The following HAT1 variants were observed in gnomAD, a reference collection of about 807,000 sequenced individuals.
HAT1 encodes the protein histone acetyltransferase 1.
Under a neutral mutation model 56.6 loss-of-function variants are expected in HAT1, and 20 were observed. The observed-to-expected ratio is 0.35, with a 90% CI of 0.25 to 0.51. The LOEUF (loss-of-function observed/expected upper bound fraction) is 0.51, where lower values mean the gene tolerates loss of function less well. Ranked by LOEUF, HAT1 falls within the 20% of genes least tolerant of loss-of-function variation. The pLI is 0.95. For missense variants in HAT1, 408 were observed against 504.3 expected, an observed-to-expected ratio of 0.81 and a Z score of 1.83; for synonymous variants, 146 against 165.5, an observed-to-expected ratio of 0.88 and a Z score of 0.91.
chr2:171,977,915 A>G (rs1395227037), intron 9 of HAT1, among the ~76,000 whole-genome samples: 5 of 151,746 alleles, frequency 3.3e-5, no homozygotes, highest in Non-Finnish European at 5.9e-5. Context: ...ACCTATCCAT[A>G]CCCCAACTCC....
intron 2 of HAT1, among the ~76,000 whole-genome samples, chr2:171,942,394 C>G (rs955834575): frequency 6.6e-6 from 1 of 152,022 alleles, no homozygotes; most frequent in African/African-American, 2.4e-5. Context: ...GTGTTTTCTT[C>G]TAGTATTTTT....
At chr2:171,959,225 C>T (rs1687518887) in intron 4 of HAT1, among the ~76,000 whole-genome samples, 1 of 152,124 alleles carries the variant, frequency 6.6e-6, no homozygotes, top group African/African-American at 2.4e-5. Context: ...AGAGTTTTTT[C>T]ATAATCAAAT....
At chr2:171,977,549 ATATATATATTTTT>A (rs1282324980) in intron 9 of HAT1, among the ~76,000 whole-genome samples, 2 of 14,136 alleles carry the variant, frequency 1.4e-4, no homozygotes, top group Admixed American at 1.4e-3. Context: ...ATATATATAT[ATATATATATTTTT>A]TTTTTTTTTT....
rs587686867 is a variant in HAT1 at position 171,953,626 on chromosome 2, TAAAAAAAAA to T, written c.309+646_309+654del. 6.1e-3 allele frequency among the ~76,000 whole-genome samples: 520 copies of T among 84,602 alleles called. 8 individuals carry two copies. Among genetic ancestry groups the T allele is most frequent in the Non-Finnish European group, 7.4e-3 (366 of 49,606 alleles). 55.5% of individuals were successfully genotyped at this position (84,602 alleles called of 152,430 possible). ...GGCAACAGAACAAGACCCTGTCTCT[TAAAAAAAAA>T]AAAAAAAAAAAAAAAAAAAATTAAG... On this transcript the variant is annotated intron_variant, in intron 4 of 10. Coordinates refer to ENST00000264108, the MANE Select transcript of HAT1 (RefSeq NM_003642.4).
At chr2:171,923,432 A>G (rs947809412) in intron 1 of HAT1, 1 of 152,110 alleles carries the variant, frequency 6.6e-6, no homozygotes, top group Non-Finnish European at 1.5e-5. Flanking sequence ...ATTCGGCTAA[A>G]AAAAAACAAT....
At chr2:171,956,355 GACAC>G (rs1051393482) in intron 4 of HAT1, among the ~76,000 whole-genome samples, 2 of 151,614 alleles carry the variant, frequency 1.3e-5, no homozygotes, top group Non-Finnish European at 2.9e-5. Context: ...CACACACGCT[GACAC>G]ACACACGCTG....
intron 2 of HAT1, among the ~76,000 whole-genome samples, chr2:171,934,296 G>A (rs1200372468): frequency 3.9e-5 from 6 of 152,178 alleles, no homozygotes; most frequent in Admixed American, 3.9e-4. Context: ...ATTTCTGGAA[G>A]TATCAGAGAA....
intron 8 of HAT1, among the ~76,000 whole-genome samples, chr2:171,967,765 T>C (rs1390268951): frequency 6.6e-6 from 1 of 152,180 alleles, no homozygotes; most frequent in Non-Finnish European, 1.5e-5. Context: ...TATTAAAATT[T>C]ATTAATCTTA....
intron 10 of HAT1, chr2:171,980,149 T>C (rs1244603902): frequency 7.9e-5 from 12 of 152,260 alleles, no homozygotes; most frequent in African/African-American, 2.9e-4. Context: ...CCAAGGATAG[T>C]CTACCATGGT....
At chr2:171,932,561 CCT>C (rs763734659) in intron 2 of HAT1, among the ~76,000 whole-genome samples, 1 of 152,026 alleles carries the variant, frequency 6.6e-6, no homozygotes, top group Admixed American at 6.6e-5. Flanking sequence ...ACAGTATTCC[CCT>C]GTTACCATTT....
chr2:171,977,401 G>A (rs13430355), intron 9 of HAT1, among the ~76,000 whole-genome samples: 27,246 of 147,646 alleles, frequency 0.18, 3,740 homozygotes, highest in African/African-American at 0.37. Context: ...GGCGGAGGTT[G>A]CAGTGAGCCG....
chr2:171,938,382 G>T (rs562406668), intron 2 of HAT1, among the ~76,000 whole-genome samples: 1 of 152,094 alleles, frequency 6.6e-6, no homozygotes, highest in Non-Finnish European at 1.5e-5. Flanking sequence ...GGAGGTTTGC[G>T]GGGAATGGTT....
chr2:171,967,047 A>G (rs1029663619), intron 8 of HAT1, 98 bp downstream of exon 8: 6 of 630,782 alleles, frequency 9.5e-6, no homozygotes, highest in Non-Finnish European at 1.7e-5. Context: ...TTAAACAGCA[A>G]CATTTTCCTA....
At chr2:171,938,977 G>T (rs539570480) in intron 2 of HAT1, among the ~76,000 whole-genome samples, 1 of 152,160 alleles carries the variant, frequency 6.6e-6, no homozygotes, top group Non-Finnish European at 1.5e-5. Flanking sequence ...CTGGACTCAA[G>T]CAATTCGCCT....
At chr2:171,978,027 C>T (rs1311854705) in intron 9 of HAT1, among the ~76,000 whole-genome samples, 1 of 151,408 alleles carries the variant, frequency 6.6e-6, no homozygotes, top group East Asian at 1.9e-4. Flanking sequence ...CTGATATTTC[C>T]TTGATACCAT....
chr2:171,963,250 T>C (rs2105333441), intron 4 of HAT1, among the ~76,000 whole-genome samples: 1 of 150,960 alleles, frequency 6.6e-6, no homozygotes, highest in African/African-American at 2.4e-5. Flanking sequence ...TAAAGATTCC[T>C]TGCTTTAAAA....
Position 171,972,219 on chromosome 2 carries a change from T to G in HAT1, c.824-3938T>G, listed in dbSNP as rs1687833214. The stretch of plus-strand genomic sequence containing the variant: ...CTTTCCAGGGTTTTTCTTTTGTTTT[T>G]TTTTTTTGTTTGTTTGTTTTTGTTG... On this transcript the variant is annotated intron_variant, in intron 8 of 10. Coordinates refer to ENST00000264108, the MANE Select transcript of HAT1 (RefSeq NM_003642.4). 1.3e-5 allele frequency among the ~76,000 whole-genome samples: 2 copies of G among 151,958 alleles called. 1 individual carries two copies. The highest frequency in any genetic ancestry group is 1.3e-4 in the Admixed American group (2 of 15,260).
chr2:171,950,340 A>ATT (rs774283064), intron 3 of HAT1, among the ~76,000 whole-genome samples: 3 of 143,742 alleles, frequency 2.1e-5, no homozygotes, highest in Non-Finnish European at 4.6e-5. Context: ...CACCCAGCTA[A>ATT]TTTTTTTTTT....
chr2:171,928,105 G>C (rs748183309), intron 2 of HAT1, among the ~76,000 whole-genome samples: 1 of 151,748 alleles, frequency 6.6e-6, no homozygotes, highest in South Asian at 2.1e-4. Context: ...GACTGGTCTC[G>C]AACTCCTGAC....
Sources: gnomAD v4.1 joint callset for allele counts (sites outside exome capture counted in the v4.1 genomes callset) on GRCh38, gnomAD v4.1.1 for gene constraint, MANE v1.5 for transcripts, NCBI Gene and HGNC (gene_info 2026-07-23, HGNC 2026-07-21) for gene names.